The following RMND1 variants were observed in gnomAD, a reference collection of about 807,000 sequenced individuals.
The protein encoded by RMND1 is required for meiotic nuclear division protein 1 homolog.
A neutral mutation model predicts 54.0 loss-of-function variants in RMND1; 41 were observed. The observed-to-expected ratio is 0.76, with a 90% confidence interval of 0.59 to 0.98. RMND1 has a LOEUF of 0.98. RMND1 is among the 50% of genes least tolerant of loss of function. The pLI is 0.00. For synonymous variants in RMND1, 183 were observed against 181.7 expected, an observed-to-expected ratio of 1.01 and a Z score of -0.06; for missense variants, 457 against 532.0, an observed-to-expected ratio of 0.86 and a Z score of 1.39.
intron 9 of RMND1, chr6:151,420,953 T>G (rs148509475): frequency 3.6e-4 from 76 of 209,074 alleles, no homozygotes; most frequent in African/African-American, 1.6e-3. Flanking sequence ...TTAACCAAAT[T>G]CAGGAATATG....
chr6:151,430,953 T>C (rs1296256549), intron 4 of RMND1, among the ~76,000 whole-genome samples: 18 of 151,928 alleles, frequency 1.2e-4, no homozygotes, highest in Admixed American at 1.3e-4. Context: ...TGCTTAGTAT[T>C]TGTGATAGAA....
At chr6:151,432,920 C>T (rs973345821) in intron 4 of RMND1, among the ~76,000 whole-genome samples, 1 of 152,038 alleles carries the variant, frequency 6.6e-6, no homozygotes, top group Non-Finnish European at 1.5e-5. Context: ...AGAAAGACAC[C>T]CCGGGGAAGA....
intron 5 of RMND1, among the ~76,000 whole-genome samples, chr6:151,429,195 C>T (rs1780387261): frequency 6.6e-6 from 1 of 151,492 alleles, no homozygotes; most frequent in Non-Finnish European, 1.5e-5. Flanking sequence ...GACCTTGGCT[C>T]ACTGCAACCT....
Position 151,433,177 on chromosome 6 carries a change from G to A in RMND1, c.667C>T (p.Pro223Ser), listed in dbSNP as rs781626994. Reference protein sequence around the residue: ...GVENSAKEGDPGTIFFFREGA... With the variant: ...GVENSAKEGDSGTIFFFREGA... ...TACCTGAAGAAGAATATTGTTCCAG[G>A]ATCACCTTCTTTTGCAGAATTTTCC... Residue 223 changes from proline to serine, a missense_variant, in exon 4 of 12, where the codon CCT becomes TCT. Pro to Ser is a moderately conservative substitution (Grantham distance 74). Transcript: ENST00000444024. The A allele has an allele frequency of 6.2e-7, 1 of 1,611,316 alleles. No homozygotes were observed. The highest frequency in any genetic ancestry group is 8.5e-7 in the Non-Finnish European group (1 of 1,178,230).
chr6:151,405,437 A>T (rs117069016), intron 11 of RMND1, among the ~76,000 whole-genome samples, 170 bp from the exon 12 acceptor site: 254 of 152,304 alleles, frequency 1.7e-3, no homozygotes, highest in Non-Finnish European at 3.1e-3. Context: ...TTTGATGTTG[A>T]GCTGTACATT....
chr6:151,433,836 G>T (rs1019876730), intron 3 of RMND1, among the ~76,000 whole-genome samples: 40 of 147,138 alleles, frequency 2.7e-4, no homozygotes, highest in African/African-American at 6.2e-4. Flanking sequence ...TTTTTTTTTT[G>T]TTTGTTTGTT....
chr6:151,421,238 C>T lies in RMND1; in HGVS notation c.1079+7G>A. On this transcript the variant is annotated splice_region_variant and intron_variant, in intron 9 of 11. Coordinates refer to ENST00000444024, the MANE Select transcript of RMND1 (RefSeq NM_017909.4). ...TGAAATATTTTATTTAGAGAGAAAACTTTTACCTTAGAGCAAAGAGTTCAC... is the reference window on the plus strand; with the variant it reads ...TGAAATATTTTATTTAGAGAGAAAATTTTTACCTTAGAGCAAAGAGTTCAC... 1 of 1,580,930 alleles carries T rather than the reference C, an allele frequency of 6.3e-7. No homozygotes were observed. Among genetic ancestry groups the T allele is most frequent in the Non-Finnish European group, 8.6e-7 (1 of 1,156,458 alleles).
chr6:151,433,151 T>C lies in RMND1; in HGVS notation c.689+4A>G, dbSNP rs879878450. The C allele has an allele frequency of 6.2e-7, 1 of 1,604,528 alleles. No individual in the cohort carries two copies. The highest frequency in any genetic ancestry group is 8.5e-7 in the Non-Finnish European group (1 of 1,172,520). On this transcript the variant is annotated splice_donor_region_variant and intron_variant, in intron 4 of 11. Transcript: ENST00000444024. Reference sequence around the variant, plus strand: ...CACCTAATGGGGTTTCTTTCCTGTCTTACCTGAAGAAGAATATTGTTCCAG... The same window carrying C: ...CACCTAATGGGGTTTCTTTCCTGTCCTACCTGAAGAAGAATATTGTTCCAG...
At chr6:151,436,124 A>AAC (rs1780603340) in intron 3 of RMND1, 2 of 198,544 alleles carry the variant, frequency 1.0e-5, no homozygotes, top group South Asian at 1.8e-4. Flanking sequence ...AAAAAAAAAA[A>AAC]AACACAAAAC....
chr6:151,424,629 G>C (rs1444112776), intron 6 of RMND1, among the ~76,000 whole-genome samples: 1 of 152,084 alleles, frequency 6.6e-6, no homozygotes, highest in Non-Finnish European at 1.5e-5. Context: ...ATTTCTATGT[G>C]AAAAAATGCT....
intron 2 of RMND1, among the ~76,000 whole-genome samples, chr6:151,439,401 T>C (rs1340016300): frequency 6.6e-6 from 1 of 152,244 alleles, no homozygotes; most frequent in East Asian, 1.9e-4. Flanking sequence ...AGAGTGCTTC[T>C]CTGCACAGTG....
In RMND1 at chr6:151,429,123, CT is replaced by C. The variant is rs528642361; in HGVS notation, c.729+1014del. Among the ~76,000 whole-genome samples the C allele has an allele frequency of 2.5e-3, 348 of 139,826 alleles. 1 individual carries two copies. The highest frequency in any genetic ancestry group is 3.5e-3 in the Middle Eastern group (1 of 282). The allele number at this position is 139,826 out of a possible 152,430, so 91.7% of individuals were successfully genotyped here. A position where few individuals can be genotyped will look rare whatever the true frequency, so the allele number is the denominator to read the frequency against. ...TATATTGGTTATATTTTGTAACCCGCTTTTTTTTTTTTTTGAAGACAAGAGT... is the reference window on the plus strand; with the variant it reads ...TATATTGGTTATATTTTGTAACCCGCTTTTTTTTTTTTTGAAGACAAGAGT... On this transcript the variant is annotated intron_variant, in intron 5 of 11. Transcript: ENST00000444024.
chr6:151,443,586 A>G (rs1393096707), intron 2 of RMND1, among the ~76,000 whole-genome samples: 1 of 152,196 alleles, frequency 6.6e-6, no homozygotes, highest in Non-Finnish European at 1.5e-5. Context: ...TTGGGATTAC[A>G]GCTGTGAGCC....
intron 2 of RMND1, among the ~76,000 whole-genome samples, chr6:151,440,701 TG>T (rs1780749344): frequency 6.6e-6 from 1 of 152,256 alleles, no homozygotes. Flanking sequence ...GTCTTAGTTG[TG>T]GGTTTCTTCT....
chr6:151,420,760 A>T (rs1194814318), intron 9 of RMND1: 3 of 152,326 alleles, frequency 2.0e-5, no homozygotes, highest in Non-Finnish European at 4.4e-5. Flanking sequence ...GCTAAGATTA[A>T]AAGATATTTC....
At chr6:151,425,597 G>A (rs189756936) in intron 6 of RMND1, among the ~76,000 whole-genome samples, 129 of 152,198 alleles carry the variant, frequency 8.5e-4, no homozygotes, top group African/African-American at 3.0e-3. Flanking sequence ...GCAGGCCAAG[G>A]GCTGAGTAAC....
At chr6:151,426,037 A>G (rs1189474206) in intron 6 of RMND1, among the ~76,000 whole-genome samples, 3 of 148,896 alleles carry the variant, frequency 2.0e-5, no homozygotes, top group Non-Finnish European at 4.4e-5. Context: ...TCTGCCTCCC[A>G]GGTTCAAGCA....
intron 2 of RMND1, among the ~76,000 whole-genome samples, chr6:151,438,090 ATG>A (rs1423918101): frequency 6.6e-6 from 1 of 152,220 alleles, no homozygotes; most frequent in African/African-American, 2.4e-5. Flanking sequence ...ACAAATAAAA[ATG>A]TATCAGGAGT....
chr6:151,433,939 A>ACCCC (rs143471784), intron 3 of RMND1, among the ~76,000 whole-genome samples: 8 of 86,212 alleles, frequency 9.3e-5, no homozygotes, highest in African/African-American at 3.9e-4. Flanking sequence ...AACTCAAGGG[A>ACCCC]CCCCCCCCCG....
Sources: allele counts gnomAD v4.1 joint callset (sites outside exome capture counted in the v4.1 genomes callset), GRCh38; gene constraint gnomAD v4.1.1; transcripts MANE v1.5; gene names NCBI Gene and HGNC (gene_info 2026-07-23, HGNC 2026-07-21).